The following STAG1 variants were observed in gnomAD, a reference collection of about 807,000 sequenced individuals.
STAG1 encodes the protein STAG1 cohesin complex component.
In STAG1, 26 loss-of-function variants were observed where a neutral mutation model predicts 170.9. The ratio of observed to expected loss-of-function variants is 0.15; its 90% CI spans 0.11 to 0.21. The LOEUF (loss-of-function observed/expected upper bound fraction) is 0.21. Ranked by LOEUF, STAG1 falls within the 10% of genes least tolerant of loss-of-function variation. STAG1 has a pLI of 1.00. For synonymous variants in STAG1, 514 were observed against 497.7 expected, an observed-to-expected ratio of 1.03 and a Z score of -0.44; for missense variants, 964 against 1,509.5, an observed-to-expected ratio of 0.64 and a Z score of 5.99.
At chr3:136,478,528 C>G (rs1045315316) in intron 9 of STAG1, among the ~76,000 whole-genome samples, 8 of 152,126 alleles carry the variant, frequency 5.3e-5, no homozygotes, top group African/African-American at 1.9e-4. Context: ...ATTTACCATT[C>G]ACAAATGTTA....
chr3:136,724,189 A>C (rs575240257), intron 1 of STAG1, among the ~76,000 whole-genome samples: 1 of 152,120 alleles, frequency 6.6e-6, no homozygotes, highest in Admixed American at 6.5e-5. Flanking sequence ...AAGGATTGAG[A>C]AATCGGATGG....
At chr3:136,714,222 A>T (rs79458572) in intron 1 of STAG1, among the ~76,000 whole-genome samples, 3 of 152,214 alleles carry the variant, frequency 2.0e-5, no homozygotes, top group Admixed American at 6.5e-5. Context: ...GTGTAATTTC[A>T]TCTATGTGAA....
In STAG1 at chr3:136,439,427, CACACACACACACACAA is replaced by C. The variant is rs1320930214; in HGVS notation, c.1546+3844_1546+3859del. ...ACACACACACACACACACACACACACACACACACACACACAAACACTGTAAGACAGTCTTAAGGCCA... is the reference window on the plus strand; with the variant it reads ...ACACACACACACACACACACACACACACACTGTAAGACAGTCTTAAGGCCA... On this transcript the variant is annotated intron_variant, in intron 15 of 33. Coordinates refer to ENST00000383202, the MANE Select transcript of STAG1 (RefSeq NM_005862.3). Among the ~76,000 whole-genome samples, 447 of 144,584 alleles carry C rather than the reference CACACACACACACACAA, an allele frequency of 3.1e-3. 5 individuals carry two copies. Among genetic ancestry groups the C allele is most frequent in the African/African-American group, 9.0e-3 (348 of 38,654 alleles). The allele number at this position is 144,584 out of a possible 152,430, so 94.9% of individuals were successfully genotyped here.
chr3:136,591,150 A>G (rs1938145699), intron 4 of STAG1, among the ~76,000 whole-genome samples: 1 of 146,662 alleles, frequency 6.8e-6, no homozygotes, highest in Non-Finnish European at 1.5e-5. Context: ...ATAATAAAAT[A>G]TTACTAATAG....
intron 5 of STAG1, among the ~76,000 whole-genome samples, chr3:136,558,670 C>T (rs1936721130): frequency 6.6e-6 from 1 of 152,170 alleles, no homozygotes; most frequent in East Asian, 1.9e-4. Context: ...GTGACATCAC[C>T]TGACTAAAGC....
intron 1 of STAG1, among the ~76,000 whole-genome samples, chr3:136,748,173 T>C (rs1576846805): frequency 6.6e-6 from 1 of 151,266 alleles, no homozygotes. Context: ...GGACAGACGG[T>C]TTCAGGTCAA....
At chr3:136,523,553 A>G (rs1455012891) in intron 6 of STAG1, among the ~76,000 whole-genome samples, 2 of 151,990 alleles carry the variant, frequency 1.3e-5, no homozygotes, top group African/African-American at 4.8e-5. Flanking sequence ...TTACCTGTTC[A>G]CTCTGATGGT....
intron 14 of STAG1, among the ~76,000 whole-genome samples, chr3:136,450,944 T>C (rs114305326): frequency 0.015 from 2,314 of 152,204 alleles, 63 homozygotes; most frequent in Non-Finnish European, 0.016. Context: ...AGACGGACTT[T>C]TGCTATATTA....
At chr3:136,412,565 A>C (rs898807788) in intron 21 of STAG1, among the ~76,000 whole-genome samples, 1 of 152,230 alleles carries the variant, frequency 6.6e-6, no homozygotes, top group East Asian at 1.9e-4. Flanking sequence ...TAATGAACAA[A>C]CTGACATCAC....
intron 6 of STAG1, among the ~76,000 whole-genome samples, chr3:136,531,601 T>A (rs904606995): frequency 1.4e-4 from 21 of 151,732 alleles, no homozygotes; most frequent in Non-Finnish European, 2.6e-4. Flanking sequence ...TGAGTTCATG[T>A]CCTTTGTAGG....
chr3:136,584,539 T>A (rs1354584746), intron 4 of STAG1, among the ~76,000 whole-genome samples: 1 of 152,162 alleles, frequency 6.6e-6, no homozygotes, highest in Non-Finnish European at 1.5e-5. Flanking sequence ...CATCCCTCCT[T>A]CCATGCCCAG....
intron 16 of STAG1, among the ~76,000 whole-genome samples, chr3:136,427,217 A>C (rs2088157021): frequency 6.6e-6 from 1 of 151,756 alleles, no homozygotes. Flanking sequence ...CAACAGAGCG[A>C]GACTCCAACT....
intron 7 of STAG1, among the ~76,000 whole-genome samples, chr3:136,520,758 T>G (rs905471041): frequency 9.9e-5 from 15 of 152,128 alleles, no homozygotes; most frequent in African/African-American, 3.6e-4. Flanking sequence ...GCACTAGGAA[T>G]AGGAAGAATG....
At chr3:136,639,279 G>C (rs868694061) in intron 1 of STAG1, among the ~76,000 whole-genome samples, 1 of 151,662 alleles carries the variant, frequency 6.6e-6, no homozygotes, top group Non-Finnish European at 1.5e-5. Context: ...AGGATGCAGT[G>C]AGCCATGATT....
chr3:136,574,084 A>G (rs954628184), intron 4 of STAG1, among the ~76,000 whole-genome samples: 5 of 151,932 alleles, frequency 3.3e-5, no homozygotes, highest in African/African-American at 9.7e-5. Flanking sequence ...TACTAAAAAT[A>G]CCAAAAATTA....
At chr3:136,369,023 T>C in intron 24 of STAG1, 85 bp downstream of exon 24, 1 of 1,263,276 alleles carries the variant, frequency 7.9e-7, no homozygotes, top group Non-Finnish European at 1.0e-6. Flanking sequence ...CTCGATAATT[T>C]TTAGAACTGA....
intron 5 of STAG1, among the ~76,000 whole-genome samples, chr3:136,561,262 C>T (rs1332838807): frequency 2.6e-5 from 4 of 152,144 alleles, no homozygotes; most frequent in Non-Finnish European, 4.4e-5. Flanking sequence ...TGAGTCTTTG[C>T]TAACTTATAG....
At chr3:136,512,074 G>A (rs1934090797) in intron 7 of STAG1, among the ~76,000 whole-genome samples, 1 of 93,892 alleles carries the variant, frequency 1.1e-5, no homozygotes. Flanking sequence ...AGGAAACACA[G>A]TAAGACCTCT....
chr3:136,439,438 AC>A (rs2088568282), intron 15 of STAG1, among the ~76,000 whole-genome samples: 2 of 89,110 alleles, frequency 2.2e-5, no homozygotes, highest in East Asian at 2.0e-4. Context: ...ACACACACAC[AC>A]ACAAACACTG....
Sources: allele counts gnomAD v4.1 joint callset (sites outside exome capture counted in the v4.1 genomes callset), GRCh38; gene constraint gnomAD v4.1.1; transcripts MANE v1.5; gene names NCBI Gene and HGNC (gene_info 2026-07-23, HGNC 2026-07-21).